The following AGMO variants were observed in gnomAD, a reference collection of about 807,000 sequenced individuals.
The protein encoded by AGMO is glyceryl-ether monooxygenase.
AGMO carries 75 observed loss-of-function variants against 60.2 expected under a neutral mutation model. The ratio of observed to expected loss-of-function variants is 1.25; its 90% CI spans 1.03 to 1.51. AGMO has a LOEUF of 1.51. AGMO is among the 40% of genes most tolerant of loss of function. AGMO has a pLI of 0.00. For missense variants in AGMO, 763 were observed against 525.5 expected, an observed-to-expected ratio of 1.45 and a Z score of -4.42; for synonymous variants, 261 against 177.1, an observed-to-expected ratio of 1.47 and a Z score of -3.76.
At chr7:15,194,651 T>A in the AGMO span, among the ~76,000 whole-genome samples, 1 of 152,212 alleles carries the variant, frequency 6.6e-6, no homozygotes, top group South Asian at 2.1e-4. Context: ...GCAAATTATA[T>A]GTTTAGCATA....
chr7:15,340,751 G>T (rs1021967178), intron 12 of AGMO, among the ~76,000 whole-genome samples: 11 of 152,208 alleles, frequency 7.2e-5, no homozygotes, highest in Admixed American at 2.6e-4. Context: ...CCAGGCAGAG[G>T]TGTGCTGCAG....
chr7:15,182,798 G>A, the AGMO span, among the ~76,000 whole-genome samples: 1 of 152,154 alleles, frequency 6.6e-6, no homozygotes, highest in Non-Finnish European at 1.5e-5. Flanking sequence ...AGGAAAACAG[G>A]TTTAATTGGT....
chr7:15,210,283 A>C (rs1048035908), intron 12 of AGMO, among the ~76,000 whole-genome samples: 4 of 152,176 alleles, frequency 2.6e-5, no homozygotes, highest in African/African-American at 9.7e-5. Flanking sequence ...TTTCTTTTTC[A>C]TATGTTCAAA....
chr7:15,165,533 C>A, the AGMO span, among the ~76,000 whole-genome samples: 195 of 151,946 alleles, frequency 1.3e-3, 2 homozygotes, highest in East Asian at 0.036. Flanking sequence ...TGTATTTAAC[C>A]CTATAAACAA....
At chr7:15,413,601 T>C (rs1037279861) in intron 5 of AGMO, among the ~76,000 whole-genome samples, 3 of 152,114 alleles carry the variant, frequency 2.0e-5, no homozygotes, top group Non-Finnish European at 4.4e-5. Context: ...ATCTATGATA[T>C]AATAATGATA....
intron 12 of AGMO, among the ~76,000 whole-genome samples, chr7:15,217,221 A>G (rs1157032267): frequency 6.6e-6 from 1 of 152,054 alleles, no homozygotes; most frequent in African/African-American, 2.4e-5. Context: ...GGGGCCCCCA[A>G]AGAAAGAAAT....
chr7:15,321,088 A>C (rs576560918), intron 12 of AGMO, among the ~76,000 whole-genome samples: 1 of 152,154 alleles, frequency 6.6e-6, no homozygotes, highest in Non-Finnish European at 1.5e-5. Context: ...GCAGTTGTGA[A>C]GTTCAAAAGC....
intron 12 of AGMO, among the ~76,000 whole-genome samples, chr7:15,248,224 A>ATATGTATC (rs1486326352): frequency 1.0e-5 from 1 of 98,748 alleles, no homozygotes; most frequent in African/African-American, 4.1e-5. Flanking sequence ...ATATATATAT[A>ATATGTATC]TCTTCATCTT....
chr7:15,369,301 A>T (rs780108005), intron 10 of AGMO, among the ~76,000 whole-genome samples: 2 of 152,054 alleles, frequency 1.3e-5, no homozygotes, highest in Non-Finnish European at 2.9e-5. Context: ...TTTTAAGCTT[A>T]TGTGAGATCA....
chr7:15,280,532 G>C (rs1563067850), intron 12 of AGMO, among the ~76,000 whole-genome samples: 1 of 152,142 alleles, frequency 6.6e-6, no homozygotes, highest in Non-Finnish European at 1.5e-5. Context: ...TTAACACAAA[G>C]GACAGAAACT....
At chr7:15,530,779 A>AGC (rs1784293537) in intron 3 of AGMO, among the ~76,000 whole-genome samples, 1 of 44,892 alleles carries the variant, frequency 2.2e-5, no homozygotes, top group Non-Finnish European at 6.2e-5. Context: ...ATTTCTATAT[A>AGC]TATTCTATAT....
Position 15,381,953 on chromosome 7 carries a change from T to A in AGMO, c.1074+3493A>T, listed in dbSNP as rs766938196. Reference sequence around the variant, plus strand: ...ACCAAATACTGCATGTTCTCACTTGTAAGTGGGAGCGCTAAATGATGAGAA... The same window carrying A: ...ACCAAATACTGCATGTTCTCACTTGAAAGTGGGAGCGCTAAATGATGAGAA... On this transcript the variant is annotated intron_variant, in intron 10 of 12. Transcript: ENST00000342526. 4.6e-5 allele frequency among the ~76,000 whole-genome samples: 7 copies of A among 152,100 alleles called. No homozygotes were observed. In the South Asian group the frequency reaches 1.5e-3, roughly 32 times the overall value.
the AGMO span, among the ~76,000 whole-genome samples, chr7:15,122,215 A>G: frequency 1.3e-5 from 2 of 152,086 alleles, no homozygotes; most frequent in African/African-American, 4.8e-5. Flanking sequence ...TTACTAGAAA[A>G]AAACAACCCC....
intron 3 of AGMO, among the ~76,000 whole-genome samples, chr7:15,543,779 G>A (rs1051818907): frequency 2.6e-5 from 4 of 151,556 alleles, no homozygotes; most frequent in East Asian, 2.0e-4. Flanking sequence ...TTTCCTCTGC[G>A]TAAAGAAGGA....
chr7:15,542,330 TTAC>T (rs1204628330), intron 3 of AGMO, among the ~76,000 whole-genome samples: 1 of 152,190 alleles, frequency 6.6e-6, no homozygotes, highest in Non-Finnish European at 1.5e-5. Context: ...CCTGCCTTTT[TTAC>T]TGGATTCAGT....
chr7:15,354,454 ATACACACGTGTGTGTATACACACGTGTG>A (rs1782420550), intron 12 of AGMO, among the ~76,000 whole-genome samples: 3 of 20,292 alleles, frequency 1.5e-4, no homozygotes, highest in Middle Eastern at 0.038. Flanking sequence ...ACGTGTGTGT[ATACACACGTGTGTGTATACACACGTGTG>A]TATATACACA....
At chr7:15,144,579 C>T in the AGMO span, among the ~76,000 whole-genome samples, 2 of 152,148 alleles carry the variant, frequency 1.3e-5, no homozygotes, top group African/African-American at 4.8e-5. Flanking sequence ...TATGCGCATG[C>T]ACGTTTTTAG....
At chr7:15,133,906 C>A in the AGMO span, among the ~76,000 whole-genome samples, 2 of 152,166 alleles carry the variant, frequency 1.3e-5, no homozygotes, top group Non-Finnish European at 2.9e-5. Context: ...TGCCTCCAAA[C>A]TGGCTTCTTT....
At chr7:15,158,543 C>A in the AGMO span, among the ~76,000 whole-genome samples, 3,412 of 152,262 alleles carry the variant, frequency 0.022, 107 homozygotes, top group African/African-American at 0.075. Flanking sequence ...TTTTCCCATG[C>A]ATGAGTCTTA....
Sources: gnomAD v4.1 joint callset for allele counts (sites outside exome capture counted in the v4.1 genomes callset) on GRCh38, gnomAD v4.1.1 for gene constraint, MANE v1.5 for transcripts, NCBI Gene and HGNC (gene_info 2026-07-23, HGNC 2026-07-21) for gene names.